Variants in USH2A observed in about 807,000 individuals in gnomAD.
USH2A encodes Usher syndrome 2A (autosomal recessive, mild).
Under a neutral mutation model 538.9 loss-of-function variants are expected in USH2A, and 443 were observed. The ratio of observed to expected loss-of-function variants is 0.82; its 90% CI spans 0.76 to 0.89. The LOEUF is 0.89. USH2A is among the 40% of genes least tolerant of loss of function. The pLI is 0.00. For synonymous variants in USH2A, 2,413 were observed against 2,273.5 expected (o/e 1.06, Z -1.75); for missense variants, 6,633 against 6,324.8 (o/e 1.05, Z -1.65).
chr1:215,849,155 A>T (rs534436431), intron 44 of USH2A, among the ~76,000 whole-genome samples: 1 of 152,364 alleles, frequency 6.6e-6, no homozygotes, highest in African/African-American at 2.4e-5. Flanking sequence ...CTAGCATAAG[A>T]CAAGGGAAAT....
intron 64 of USH2A, among the ~76,000 whole-genome samples, chr1:215,666,180 GT>G (rs1400873105): frequency 6.6e-6 from 1 of 152,122 alleles, no homozygotes; most frequent in Non-Finnish European, 1.5e-5. Context: ...AAAATCCCCT[GT>G]TTTAAATGAT....
In USH2A at chr1:215,878,963, T is replaced by G. The variant is rs1246100140; in HGVS notation, c.8359A>C (p.Thr2787Pro). The G allele has an allele frequency of 6.2e-7, 1 of 1,614,024 alleles. No individual in the cohort carries two copies. The highest frequency in any genetic ancestry group is 2.2e-5 in the East Asian group (1 of 44,860). ...GCAACAATGGTGACAGAATAATTAG[T>G]GAAAGGAATCAGATGAGTAACTTTT... ...SQKVTHLIPF[T>P]NYSVTIVACS... The change falls in exon 42 of 72, where the codon ACT (threonine) becomes CCT (proline). Residue 2787 changes from threonine (T) to proline (P), a missense_variant. Thr to Pro is a conservative substitution (Grantham distance 38, BLOSUM62 -1). Coordinates refer to ENST00000307340, the MANE Select transcript of USH2A (RefSeq NM_206933.4).
intron 38 of USH2A, among the ~76,000 whole-genome samples, chr1:215,916,560 T>G (rs767802629): frequency 2.6e-5 from 4 of 152,058 alleles, no homozygotes; most frequent in Non-Finnish European, 2.9e-5. Context: ...GTGCAAATAT[T>G]TGTCAAAAAT....
At chr1:216,138,486 A>G (rs1472824650) in intron 21 of USH2A, among the ~76,000 whole-genome samples, 1 of 152,148 alleles carries the variant, frequency 6.6e-6, no homozygotes, top group African/African-American at 2.4e-5. Flanking sequence ...TAATTTTATC[A>G]TGCACTTCCC....
chr1:216,298,109 A>G (rs2037141929), intron 9 of USH2A, among the ~76,000 whole-genome samples: 1 of 152,206 alleles, frequency 6.6e-6, no homozygotes, highest in Non-Finnish European at 1.5e-5. Flanking sequence ...ACTTCAAAGC[A>G]TTCTCATTGA....
chr1:215,702,966 G>A (rs1659077649), intron 61 of USH2A, among the ~76,000 whole-genome samples: 1 of 151,936 alleles, frequency 6.6e-6, no homozygotes, highest in Non-Finnish European at 1.5e-5. Context: ...CTTTATCTTT[G>A]ATATTGGTGA....
At chr1:216,170,289 G>A (rs749860850) in intron 21 of USH2A, among the ~76,000 whole-genome samples, 17 of 151,822 alleles carry the variant, frequency 1.1e-4, no homozygotes, top group Admixed American at 2.0e-4. Context: ...ATTGCATTTC[G>A]TATTCTAAAG....
At chr1:216,251,393 A>G (rs2036158741) in intron 11 of USH2A, among the ~76,000 whole-genome samples, 1 of 151,824 alleles carries the variant, frequency 6.6e-6, no homozygotes, top group Admixed American at 6.6e-5. Flanking sequence ...TAGAGACTGA[A>G]AATAGAAAAT....
At chr1:216,346,175 A>G (rs189640197) in intron 4 of USH2A, among the ~76,000 whole-genome samples, 76 of 152,244 alleles carry the variant, frequency 5.0e-4, no homozygotes, top group African/African-American at 1.8e-3. Flanking sequence ...AATTATTGAC[A>G]GTTTCGCCTG....
intron 4 of USH2A, among the ~76,000 whole-genome samples, chr1:216,345,463 A>C (rs2102684190): frequency 6.6e-6 from 1 of 152,214 alleles, no homozygotes; most frequent in East Asian, 1.9e-4. Flanking sequence ...GGGAAAGGGA[A>C]CCCAGAAGCC....
intron 34 of USH2A, 101 bp downstream of exon 34, chr1:215,998,786 C>CT (rs140899702): frequency 0.032 from 33,761 of 1,045,530 alleles, 1 homozygote; most frequent in Non-Finnish European, 0.035. Flanking sequence ...AAGATTTTGA[C>CT]TTTTTTTTTT....
chr1:216,092,959 T>C (rs1292792496), intron 22 of USH2A, among the ~76,000 whole-genome samples: 1 of 151,730 alleles, frequency 6.6e-6, no homozygotes, highest in Admixed American at 6.6e-5. Flanking sequence ...GCCCCCAACT[T>C]GGCTTTAACA....
chr1:216,355,314 A>G (rs1278994814), intron 4 of USH2A, among the ~76,000 whole-genome samples: 3 of 38,948 alleles, frequency 7.7e-5, no homozygotes, highest in Non-Finnish European at 1.6e-4. Flanking sequence ...TCAAAAAGAA[A>G]GAAAGAAAGA....
At chr1:216,150,905 C>T (rs2033818977) in intron 21 of USH2A, among the ~76,000 whole-genome samples, 1 of 152,096 alleles carries the variant, frequency 6.6e-6, no homozygotes, top group South Asian at 2.1e-4. Context: ...ACAATTGGAG[C>T]CTTCCAGCTC....
chr1:215,846,549 A>G (rs769841169), intron 44 of USH2A, among the ~76,000 whole-genome samples: 2 of 152,094 alleles, frequency 1.3e-5, no homozygotes, highest in Non-Finnish European at 2.9e-5. Flanking sequence ...TTTTTTCCCA[A>G]TCTCATAATT....
At chr1:215,755,399 A>G (rs1320454276) in intron 58 of USH2A, among the ~76,000 whole-genome samples, 1 of 152,218 alleles carries the variant, frequency 6.6e-6, no homozygotes, top group Non-Finnish European at 1.5e-5. Context: ...ATCTCCACTT[A>G]CAAATTTATT....
Position 215,685,052 on chromosome 1 carries a change from G to A in USH2A, c.12067-4676C>T, listed in dbSNP as rs2102676153. 1.3e-5 allele frequency among the ~76,000 whole-genome samples: 2 copies of A among 152,132 alleles called. 1 individual carries two copies. The highest frequency in any genetic ancestry group is 2.9e-5 in the Non-Finnish European group (2 of 67,980). ...CCTGAGACCTAGAGTTTCTGATTTAGATTACAAATAAAATGTGAGAAGCAG... is the reference window on the plus strand; with the variant it reads ...CCTGAGACCTAGAGTTTCTGATTTAAATTACAAATAAAATGTGAGAAGCAG... On this transcript the variant is annotated intron_variant, in intron 61 of 71. Transcript: ENST00000307340.
At chr1:215,957,715 T>C (rs567230285) in intron 37 of USH2A, among the ~76,000 whole-genome samples, 1 of 152,258 alleles carries the variant, frequency 6.6e-6, no homozygotes, top group East Asian at 1.9e-4. Flanking sequence ...CACCAGGAAA[T>C]ATACTTTATA....
intron 9 of USH2A, among the ~76,000 whole-genome samples, chr1:216,315,741 A>T (rs1259735968): frequency 2.0e-5 from 3 of 152,302 alleles, no homozygotes; most frequent in Admixed American, 6.5e-5. Flanking sequence ...CAAAATTAAA[A>T]GTTTACTTAA....
Sources: gnomAD v4.1 joint callset for allele counts (sites outside exome capture counted in the v4.1 genomes callset) on GRCh38, gnomAD v4.1.1 for gene constraint, MANE v1.5 for transcripts, NCBI Gene and HGNC (gene_info 2026-07-23, HGNC 2026-07-21) for gene names.